RBM10: variants seen among roughly 807,000 people sequenced by gnomAD.
RBM10 encodes the protein RNA-binding protein 10.
A neutral mutation model predicts 84.9 loss-of-function variants in RBM10; 1 was observed. The observed-to-expected ratio is 0.01, with a 90% CI of 0.00 to 0.06. The LOEUF is 0.06. Ranked by LOEUF, RBM10 falls within the 10% of genes least tolerant of loss-of-function variation. RBM10 has a pLI of 1.00. For synonymous variants in RBM10, 326 were observed against 344.5 expected, an observed-to-expected ratio of 0.95 and a Z score of 0.60; for missense variants, 438 against 839.0, an observed-to-expected ratio of 0.52 and a Z score of 5.90.
chrX:47,166,845 G>A (rs921839138), intron 2 of RBM10, among the ~76,000 whole-genome samples: 5 of 106,155 alleles, frequency 4.7e-5, no homozygotes, highest in African/African-American at 1.0e-4. Context: ...GTGCGATCTC[G>A]GCTCATTGCA....
At position 47,171,079 on chromosome X, in the gene RBM10, C is replaced by A. The variant is rs782600932; in HGVS notation, c.253C>A (p.Arg85=). Residue 85 remains arginine (R), a synonymous_variant, in exon 4 of 24, where the codon CGG becomes AGG. Coordinates refer to ENST00000377604, the MANE Select transcript of RBM10 (RefSeq NM_005676.5). ...CGAGACTCAGCGTAGGCGGCGGCGG[C>A]GGCACAGGCACAGCCCCACCGGCCC... ...GSETQRRRRR[R]HRHSPTGPPG... is the part of the protein sequence containing the mutation. The A allele has an allele frequency of 8.3e-6, 10 of 1,208,666 alleles. No individual in the cohort carries two copies. Among genetic ancestry groups the A allele is most frequent in the South Asian group, 3.5e-5 (2 of 56,619 alleles).
intron 2 of RBM10, among the ~76,000 whole-genome samples, chrX:47,155,461 G>A (rs1026946505): frequency 5.4e-5 from 6 of 110,228 alleles, no homozygotes; most frequent in African/African-American, 9.9e-5. Flanking sequence ...GGCCTGGTGC[G>A]GTGGCTCATG....
chrX:47,174,774 C>T (rs1008711813), intron 5 of RBM10, among the ~76,000 whole-genome samples: 5 of 111,056 alleles, frequency 4.5e-5, no homozygotes, highest in Non-Finnish European at 7.6e-5. Context: ...TGTGTCTCTC[C>T]CCCTACCGAC....
Position 47,145,378 on chromosome X carries a change from C to T in RBM10, c.-233C>T, listed in dbSNP as rs1932017959. On this transcript the variant is annotated 5_prime_UTR_variant, in exon 1 of 24. Coordinates refer to ENST00000377604, the MANE Select transcript of RBM10 (RefSeq NM_005676.5). ...CCCCCGATCTGCCTCCAGTCTCGGA[C>T]TTGGTTGTTGCGCGCTCCGGCTCCG... The T allele has an allele frequency of 9.3e-7, 1 of 1,079,863 alleles. No homozygotes were observed. The highest frequency in any genetic ancestry group is 1.8e-5 in the African/African-American group (1 of 54,229). 89.0% of individuals were successfully genotyped at this position (1,079,863 alleles called of 1,213,427 possible).
At chrX:47,161,760 G>A (rs192639287) in intron 2 of RBM10, among the ~76,000 whole-genome samples, 2 of 110,357 alleles carry the variant, frequency 1.8e-5, no homozygotes, top group African/African-American at 6.6e-5. Flanking sequence ...TTGAACTCCC[G>A]GGCTCGAGCG....
At chrX:47,185,662 G>T (rs782433111) in intron 20 of RBM10, 32 bp downstream of exon 20, 6 of 1,208,834 alleles carry the variant, frequency 5.0e-6, no homozygotes, top group Non-Finnish European at 3.4e-6. Context: ...GGCATGCTGG[G>T]GCCTGGCCCA....
At chrX:47,157,640 G>A (rs1452977701) in intron 2 of RBM10, 3 of 511,715 alleles carry the variant, frequency 5.9e-6, no homozygotes, top group Non-Finnish European at 1.1e-5. Flanking sequence ...GGGCATCGAT[G>A]TAGTCCTGAA....
rs186118956 is a variant in RBM10, at chrX:47,159,866, G to T, written c.18-9449G>T. Among the ~76,000 whole-genome samples, 8 of 112,212 alleles carry T rather than the reference G, an allele frequency of 7.1e-5. No homozygotes were observed. In the South Asian group the frequency reaches 2.9e-3, roughly 41 times the overall value. ...ATAAAAATCCTAGAAGGCCAGGCGC[G>T]GTGGCTCATGCCTGTAATCCCAGCA... On this transcript the variant is annotated intron_variant, in intron 2 of 23. Coordinates refer to ENST00000377604, the MANE Select transcript of RBM10 (RefSeq NM_005676.5).
intron 17 of RBM10, among the ~76,000 whole-genome samples, chrX:47,184,589 T>C (rs782442704): frequency 9.0e-6 from 1 of 111,167 alleles, no homozygotes; most frequent in Admixed American, 9.5e-5. Flanking sequence ...TGCACTACTG[T>C]GTCCCTCACC....
intron 2 of RBM10, among the ~76,000 whole-genome samples, chrX:47,165,853 C>G (rs1415509134): frequency 9.1e-6 from 1 of 110,302 alleles, no homozygotes; most frequent in Non-Finnish European, 1.9e-5. Flanking sequence ...AACCCCGTCT[C>G]TACTAAAAAT....
intron 17 of RBM10, among the ~76,000 whole-genome samples, chrX:47,184,312 G>C (rs1165016524): frequency 1.9e-5 from 2 of 106,568 alleles, no homozygotes; most frequent in Non-Finnish European, 2.0e-5. Context: ...TATTTTTTTA[G>C]TAGAGCTGGG....
chrX:47,174,394 C>T (rs1270394735), intron 5 of RBM10, among the ~76,000 whole-genome samples: 2 of 111,535 alleles, frequency 1.8e-5, no homozygotes, highest in African/African-American at 3.3e-5. Flanking sequence ...GGCTCCCTAG[C>T]GAGGCCCGCC....
chrX:47,181,842 G>A lies in RBM10; in HGVS notation c.1669G>A (p.Ala557Thr), dbSNP rs372639150. 4.1e-6 allele frequency: 5 copies of A among 1,209,759 alleles called. No homozygotes were observed. In the African/African-American group the frequency reaches 8.8e-5, roughly 21 times the overall value. Residue 557 changes from alanine to threonine, a missense_variant, in exon 15 of 24, where the codon GCC becomes ACC. By Grantham distance (58) the Ala-to-Thr change is moderately conservative (BLOSUM62 0). Transcript: ENST00000377604. ...TCTCCCACCGGCTACCAGCCCCACTGCCCAGGAATCCTACAGCCAGTACCG... is the reference window on the plus strand; with the variant it reads ...TCTCCCACCGGCTACCAGCCCCACTACCCAGGAATCCTACAGCCAGTACCG... ...SALPPATSPTAQESYSQYPVP... is the reference protein window; with the variant it reads ...SALPPATSPTTQESYSQYPVP...
At position 47,147,202 on chromosome X, in the gene RBM10, G is replaced by C. The variant is rs907806452; in HGVS notation, c.-125-155G>C. 2.7e-5 allele frequency among the ~76,000 whole-genome samples: 3 copies of C among 111,968 alleles called. No individual in the cohort carries two copies. The East Asian group carries it at 8.4e-4, about 31-fold the overall frequency. Reference sequence around the variant, plus strand: ...AAAGGGAGGAGCAGGCCAAGTAGGGGCTACCTTCATACTGTGATGCACAGG... The same window carrying C: ...AAAGGGAGGAGCAGGCCAAGTAGGGCCTACCTTCATACTGTGATGCACAGG... On this transcript the variant is annotated intron_variant, in intron 1 of 23. Coordinates refer to ENST00000377604, the MANE Select transcript of RBM10 (RefSeq NM_005676.5).
At chrX:47,171,578 G>C (rs1232036312) in intron 4 of RBM10, among the ~76,000 whole-genome samples, 1 of 112,845 alleles carries the variant, frequency 8.9e-6, no homozygotes. Flanking sequence ...TGCATCATGG[G>C]CCAGACGCTC....
At chrX:47,152,768 TA>T (rs1556764025) in intron 2 of RBM10, among the ~76,000 whole-genome samples, 1 of 86,159 alleles carries the variant, frequency 1.2e-5, no homozygotes, top group East Asian at 3.4e-4. Context: ...TCTATATCTT[TA>T]CATAGACACA....
At chrX:47,150,371 T>C (rs1932730298) in intron 2 of RBM10, among the ~76,000 whole-genome samples, 1 of 110,949 alleles carries the variant, frequency 9.0e-6, no homozygotes, top group African/African-American at 3.3e-5. Context: ...GGTTTCACTG[T>C]GTTAGCCAGG....
intron 2 of RBM10, chrX:47,156,790 T>G (rs1233476362): frequency 5.9e-6 from 1 of 170,342 alleles, no homozygotes; most frequent in Non-Finnish European, 1.1e-5. Context: ...TGGCCCATCA[T>G]GCTGCTGCAG....
chrX:47,166,151 A>T (rs1934181763), intron 2 of RBM10, among the ~76,000 whole-genome samples: 1 of 112,449 alleles, frequency 8.9e-6, no homozygotes, highest in African/African-American at 3.2e-5. Context: ...TCCCGTCTGT[A>T]ATCTCAGCAC....
Sources: gnomAD v4.1 joint callset for allele counts (sites outside exome capture counted in the v4.1 genomes callset) on GRCh38, gnomAD v4.1.1 for gene constraint, MANE v1.5 for transcripts, NCBI Gene and HGNC (gene_info 2026-07-23, HGNC 2026-07-21) for gene names.